The following WDR19 variants were observed in gnomAD, a reference collection of about 807,000 sequenced individuals.
WDR19 encodes the protein WD repeat-containing protein 19.
A neutral mutation model predicts 180.0 loss-of-function variants in WDR19; 121 were observed. That is an observed-to-expected ratio of 0.67 (90% CI 0.58 to 0.78). The LOEUF (loss-of-function observed/expected upper bound fraction) is 0.78. Ranked by LOEUF, WDR19 falls within the 30% of genes least tolerant of loss-of-function variation. The pLI is 0.00. For synonymous variants in WDR19, 497 were observed against 540.7 expected, an observed-to-expected ratio of 0.92 and a Z score of 1.12; for missense variants, 1,450 against 1,640.7, an observed-to-expected ratio of 0.88 and a Z score of 2.01.
intron 36 of WDR19, 56 bp from the exon 37 acceptor site, chr4:39,285,431 T>C (rs967438123): frequency 3.3e-5 from 5 of 152,258 alleles, no homozygotes; most frequent in African/African-American, 1.2e-4. Context: ...TATTACTAAA[T>C]GCCAGCCATT....
chr4:39,221,859 T>C (rs1729740055), intron 14 of WDR19, among the ~76,000 whole-genome samples: 9 of 152,236 alleles, frequency 5.9e-5, no homozygotes, highest in Admixed American at 5.9e-4. Flanking sequence ...CATTTCTTTT[T>C]ATTGCTGAGT....
At chr4:39,230,045 C>A (rs1271906352) in intron 17 of WDR19, among the ~76,000 whole-genome samples, 1 of 152,202 alleles carries the variant, frequency 6.6e-6, no homozygotes, top group Non-Finnish European at 1.5e-5. Flanking sequence ...ACGATCTCAT[C>A]TGTTCTCCAC....
chr4:39,267,845 A>G, intron 29 of WDR19, 150 bp from the exon 30 acceptor site: 1 of 706,498 alleles, frequency 1.4e-6, no homozygotes, highest in Non-Finnish European at 2.4e-6. Context: ...AATGTTTAAT[A>G]AATAAACGAA....
intron 4 of WDR19, among the ~76,000 whole-genome samples, chr4:39,193,060 T>C (rs1290790077): frequency 6.6e-6 from 1 of 152,208 alleles, no homozygotes; most frequent in Non-Finnish European, 1.5e-5. Flanking sequence ...GAAAAAAAGA[T>C]TAAAATGCGT....
At chr4:39,265,602 T>C (rs1370516719) in intron 28 of WDR19, among the ~76,000 whole-genome samples, 15 of 151,664 alleles carry the variant, frequency 9.9e-5, no homozygotes, top group Admixed American at 8.5e-4. Context: ...TGAAACCCCG[T>C]CTCTACTAAA....
intron 34 of WDR19, 116 bp from the exon 35 acceptor site, chr4:39,278,015 C>G: frequency 3.5e-6 from 3 of 849,112 alleles, no homozygotes; most frequent in Non-Finnish European, 5.6e-6. Context: ...CAATGTGCCA[C>G]TGCACTCCAG....
rs374518834 is a variant in WDR19, at chr4:39,183,567, A to G, written c.6+1004A>G. Among the ~76,000 whole-genome samples, 6 of 152,088 alleles carry G rather than the reference A, an allele frequency of 3.9e-5. No homozygotes were observed. In the East Asian group the frequency reaches 7.7e-4, roughly 20 times the overall value. On this transcript the variant is annotated intron_variant, in intron 1 of 36. Coordinates refer to ENST00000399820, the MANE Select transcript of WDR19 (RefSeq NM_025132.4). ...CCCGGCTGGAAGGCTCAATTTTAAA[A>G]TTATTTTAGATGTCCTCATGCTTCT...
At chr4:39,196,200 A>C (rs1268943443) in intron 5 of WDR19, among the ~76,000 whole-genome samples, 1 of 152,184 alleles carries the variant, frequency 6.6e-6, no homozygotes, top group Non-Finnish European at 1.5e-5. Context: ...CTGTAGCCCC[A>C]GTCTCTTCTC....
At chr4:39,190,818 T>C (rs1158559004) in intron 4 of WDR19, among the ~76,000 whole-genome samples, 1 of 152,234 alleles carries the variant, frequency 6.6e-6, no homozygotes, top group African/African-American at 2.4e-5. Flanking sequence ...TCTTACACTT[T>C]GGGTTTACAT....
chr4:39,275,388 T>G, intron 33 of WDR19: 1 of 243,304 alleles, frequency 4.1e-6, no homozygotes, highest in Non-Finnish European at 8.1e-6. Context: ...TGTATTTAGC[T>G]CTAAGCATCA....
intron 24 of WDR19, among the ~76,000 whole-genome samples, chr4:39,248,156 G>C (rs556889178): frequency 6.6e-6 from 1 of 152,336 alleles, no homozygotes; most frequent in South Asian, 2.1e-4. Flanking sequence ...CTGATCTCTT[G>C]GCAGGAACTC....
intron 21 of WDR19, among the ~76,000 whole-genome samples, chr4:39,242,131 A>G (rs556771805): frequency 7.9e-5 from 12 of 152,206 alleles, no homozygotes; most frequent in African/African-American, 2.9e-4. Context: ...CAGTGGAAGA[A>G]TCAGCTCACT....
rs1057523257 is a variant in WDR19 at position 39,253,288 on chromosome 4, G to A, written c.2872G>A (p.Ala958Thr). ...TQSLDGAKMVARFFLQLGDYG... is the reference protein window; with the variant it reads ...TQSLDGAKMVTRFFLQLGDYG... ...GTCTCTGGATGGAGCCAAAATGGTA[G>A]CCAGGTAACATAATACATTAATATT... is the stretch of plus-strand genomic sequence containing the variant. Residue 958 changes from alanine to threonine, a missense_variant, in exon 25 of 37, where the codon GCC (alanine) becomes ACC (threonine). By Grantham distance (58) the Ala-to-Thr change is moderately conservative. Transcript: ENST00000399820. 12 of 1,610,914 alleles carry A rather than the reference G, an allele frequency of 7.4e-6. No individual in the cohort carries two copies. The Admixed American group carries it at 1.7e-4, about 23-fold the overall frequency.
At chr4:39,261,249 C>T (rs1423599540) in intron 28 of WDR19, among the ~76,000 whole-genome samples, 16 of 151,928 alleles carry the variant, frequency 1.1e-4, no homozygotes, top group Non-Finnish European at 2.4e-4. Flanking sequence ...ACCTTGGCCT[C>T]CCAAAGTGTT....
chr4:39,259,504 G>A (rs1388937438), intron 28 of WDR19, among the ~76,000 whole-genome samples: 2 of 152,096 alleles, frequency 1.3e-5, no homozygotes, highest in Admixed American at 6.6e-5. Context: ...CATATAATAT[G>A]TGGCCTTTTG....
chr4:39,275,632 G>A (rs1735821492), intron 33 of WDR19, among the ~76,000 whole-genome samples: 1 of 152,108 alleles, frequency 6.6e-6, no homozygotes, highest in Non-Finnish European at 1.5e-5. Context: ...GAGGTCAAAG[G>A]GATCTTCGCC....
chr4:39,226,364 G>A (rs531071756), intron 15 of WDR19, among the ~76,000 whole-genome samples: 145 of 152,284 alleles, frequency 9.5e-4, no homozygotes, highest in African/African-American at 3.3e-3. Flanking sequence ...TGTCTAAGAT[G>A]GAGACAGTTC....
At chr4:39,204,364 C>T (rs947706135) in intron 7 of WDR19, among the ~76,000 whole-genome samples, 1 of 152,116 alleles carries the variant, frequency 6.6e-6, no homozygotes, top group Non-Finnish European at 1.5e-5. Context: ...GGATTACAGG[C>T]GTGAGCCACC....
At position 39,228,300 on chromosome 4, in the gene WDR19, A is replaced by G; in HGVS notation, c.1720A>G (p.Ile574Val). Residue 574 changes from isoleucine to valine, a missense_variant, in exon 16 of 37, where the codon ATT (isoleucine) becomes GTT (valine). Physicochemically the swap from Ile to Val is conservative, Grantham distance 29. Coordinates refer to ENST00000399820, the MANE Select transcript of WDR19 (RefSeq NM_025132.4). Reference sequence around the variant, plus strand: ...CTGGCCAATGGATAAAGGTGTATTTATTGCTTATGATGATGATAAGGTGTA... The same window carrying G: ...CTGGCCAATGGATAAAGGTGTATTTGTTGCTTATGATGATGATAAGGTGTA... ...ENWPMDKGVFIAYDDDKVYTY... is the reference protein window; with the variant it reads ...ENWPMDKGVFVAYDDDKVYTY... 6.2e-7 allele frequency: 1 copy of G among 1,613,498 alleles called. No individual in the cohort carries two copies. The highest frequency in any genetic ancestry group is 2.2e-5 in the East Asian group (1 of 44,858).
Sources: gnomAD v4.1 joint callset for allele counts (sites outside exome capture counted in the v4.1 genomes callset) on GRCh38, gnomAD v4.1.1 for gene constraint, MANE v1.5 for transcripts, NCBI Gene and HGNC (gene_info 2026-07-23, HGNC 2026-07-21) for gene names.